The following PLEKHG1 variants were observed in gnomAD, a reference collection of about 807,000 sequenced individuals.
The protein encoded by PLEKHG1 is pleckstrin homology and RhoGEF domain containing G1.
Under a neutral mutation model 100.8 loss-of-function variants are expected in PLEKHG1, and 44 were observed. The observed-to-expected ratio is 0.44, with a 90% CI of 0.34 to 0.56. The LOEUF (loss-of-function observed/expected upper bound fraction) is 0.56, where lower values mean the gene tolerates loss of function less well. Ranked by LOEUF, PLEKHG1 falls within the 20% of genes least tolerant of loss-of-function variation. The pLI is 0.01. For synonymous variants in PLEKHG1, 640 were observed against 662.5 expected (o/e 0.97, Z 0.52); for missense variants, 1,545 against 1,720.9 (o/e 0.90, Z 1.81).
chr6:150,715,904 C>T (rs1781411415), intron 3 of PLEKHG1, among the ~76,000 whole-genome samples: 1 of 147,346 alleles, frequency 6.8e-6, no homozygotes, highest in South Asian at 2.1e-4. Flanking sequence ...GTCAGGAGAT[C>T]GAGACCATCC....
At chr6:150,675,479 A>T (rs1399587649) in intron 3 of PLEKHG1, among the ~76,000 whole-genome samples, 1 of 152,252 alleles carries the variant, frequency 6.6e-6, no homozygotes, top group Non-Finnish European at 1.5e-5. Context: ...AGGCAAAGGG[A>T]GATCCTCCCT....
intron 15 of PLEKHG1, among the ~76,000 whole-genome samples, chr6:150,839,395 C>T (rs1195174058): frequency 1.3e-5 from 2 of 152,150 alleles, no homozygotes; most frequent in African/African-American, 4.8e-5. Context: ...GAATTACAGG[C>T]GTGAGCTATT....
At chr6:150,676,340 A>G (rs886526345) in intron 3 of PLEKHG1, among the ~76,000 whole-genome samples, 1 of 152,340 alleles carries the variant, frequency 6.6e-6, no homozygotes, top group South Asian at 2.1e-4. Flanking sequence ...AGGAAACCAA[A>G]TCTGAAAATA....
chr6:150,642,575 C>T (rs1233161262), intron 2 of PLEKHG1, among the ~76,000 whole-genome samples: 2 of 152,200 alleles, frequency 1.3e-5, no homozygotes, highest in Non-Finnish European at 2.9e-5. Context: ...TACTGTATAA[C>T]TACAGTTGCC....
exon 16 of PLEKHG1, chr6:150,840,809 T>C (rs1163576833): frequency 1.2e-6 from 2 of 1,614,026 alleles, no homozygotes; most frequent in East Asian, 2.2e-5. Context: ...ATGACTATCT[T>C]TGGAGGGGGC....
intron 1 of PLEKHG1, among the ~76,000 whole-genome samples, chr6:150,631,140 C>T (rs568692185): frequency 1.3e-5 from 2 of 152,276 alleles, no homozygotes; most frequent in Admixed American, 6.5e-5. Flanking sequence ...TCCACAAGCT[C>T]ACTTGTGGAG....
chr6:150,716,086 C>T (rs1347382929), intron 3 of PLEKHG1, among the ~76,000 whole-genome samples: 3 of 130,046 alleles, frequency 2.3e-5, no homozygotes, highest in East Asian at 4.5e-4. Flanking sequence ...CCAGCCTGGG[C>T]GACAGAGCGA....
At chr6:150,791,320 A>G (rs935614638) in intron 4 of PLEKHG1, among the ~76,000 whole-genome samples, 2 of 152,036 alleles carry the variant, frequency 1.3e-5, no homozygotes, top group Admixed American at 1.3e-4. Flanking sequence ...ATTGATTACC[A>G]ATGGAGGAAT....
At chr6:150,760,905 C>CT (rs1784118558) in intron 2 of PLEKHG1, among the ~76,000 whole-genome samples, 1 of 151,786 alleles carries the variant, frequency 6.6e-6, no homozygotes, top group African/African-American at 2.4e-5. Flanking sequence ...GTAAAAAGGC[C>CT]TCTTATAAGG....
intron 2 of PLEKHG1, among the ~76,000 whole-genome samples, chr6:150,765,716 C>G (rs1261383195): frequency 1.3e-5 from 2 of 152,072 alleles, no homozygotes; most frequent in African/African-American, 4.8e-5. Flanking sequence ...TGTGTGTTTT[C>G]TTTCCATCTA....
At chr6:150,838,577 G>A (rs1777352905) in intron 15 of PLEKHG1, among the ~76,000 whole-genome samples, 1 of 152,096 alleles carries the variant, frequency 6.6e-6, no homozygotes, top group Admixed American at 6.6e-5. Flanking sequence ...GATTGGGGAG[G>A]GTGGCAGATC....
intron 2 of PLEKHG1, among the ~76,000 whole-genome samples, chr6:150,639,151 C>T (rs755522997): frequency 2.6e-5 from 4 of 152,060 alleles, no homozygotes; most frequent in East Asian, 3.8e-4. Context: ...TGCTGAGAAC[C>T]GCTTGGCCCC....
intron 3 of PLEKHG1, among the ~76,000 whole-genome samples, chr6:150,652,491 G>C (rs995533487): frequency 6.6e-6 from 1 of 152,084 alleles, no homozygotes; most frequent in Non-Finnish European, 1.5e-5. Context: ...GGGAGGCCGA[G>C]GGGGGTGGAT....
intron 3 of PLEKHG1, among the ~76,000 whole-genome samples, chr6:150,680,929 C>T (rs1451729369): frequency 6.6e-6 from 1 of 152,180 alleles, no homozygotes; most frequent in East Asian, 1.9e-4. Flanking sequence ...AGTTGAAGCA[C>T]ATTTTCCCAC....
At position 150,823,636 on chromosome 6, in the gene PLEKHG1, A is replaced by G. The variant is rs1218422771; in HGVS notation, c.1448-18A>G. 1.3e-6 allele frequency: 2 copies of G among 1,587,218 alleles called. No individual in the cohort carries two copies. Among genetic ancestry groups the G allele is most frequent in the East Asian group, 2.2e-5 (1 of 44,744 alleles). ...ACATTTTCATTCTCAAACTTGAAAAAAAACTTTTATTTTTCAGAAACAGCA... is the reference window on the plus strand; with the variant it reads ...ACATTTTCATTCTCAAACTTGAAAAGAAACTTTTATTTTTCAGAAACAGCA... On this transcript the variant is annotated intron_variant, in intron 13 of 15. Coordinates refer to ENST00000358517, the Ensembl canonical transcript of PLEKHG1.
intron 3 of PLEKHG1, among the ~76,000 whole-genome samples, chr6:150,781,167 G>A (rs1447273661): frequency 1.3e-5 from 2 of 149,652 alleles, no homozygotes; most frequent in East Asian, 4.1e-4. Flanking sequence ...AAGCCACCGC[G>A]CCCGGCCAAG....
chr6:150,659,365 A>T (rs1779094591), intron 3 of PLEKHG1, among the ~76,000 whole-genome samples: 1 of 151,982 alleles, frequency 6.6e-6, no homozygotes, highest in Non-Finnish European at 1.5e-5. Context: ...TGCTCCTTGG[A>T]TTGGAGTCAG....
intron 5 of PLEKHG1, among the ~76,000 whole-genome samples, chr6:150,797,411 G>A (rs1340866562): frequency 6.6e-6 from 1 of 152,146 alleles, no homozygotes; most frequent in East Asian, 1.9e-4. Flanking sequence ...GTGTGCACCT[G>A]TAGTCCTAGA....
Position 150,786,374 on chromosome 6 carries a change from G to C in PLEKHG1, c.513-16G>C. The C allele has an allele frequency of 1.9e-6, 3 of 1,573,424 alleles. No homozygotes were observed. Among genetic ancestry groups the C allele is most frequent in the Non-Finnish European group, 2.6e-6 (3 of 1,143,214 alleles). On this transcript the variant is annotated splice_polypyrimidine_tract_variant and intron_variant, in intron 3 of 15. Transcript: ENST00000358517. ...GACTACAATCTAATACTTCCTGGCTGTTATTTTTTTATTAGTGAACTTCTG... is the reference window on the plus strand; with the variant it reads ...GACTACAATCTAATACTTCCTGGCTCTTATTTTTTTATTAGTGAACTTCTG...
Sources: allele counts gnomAD v4.1 joint callset (sites outside exome capture counted in the v4.1 genomes callset), GRCh38; gene constraint gnomAD v4.1.1; transcripts MANE v1.5; gene names NCBI Gene and HGNC (gene_info 2026-07-23, HGNC 2026-07-21).